LNPEP: variants seen among roughly 807,000 people sequenced by gnomAD.
The protein encoded by LNPEP is leucyl-cystinyl aminopeptidase.
A neutral mutation model predicts 120.6 loss-of-function variants in LNPEP; 64 were observed. That is an observed-to-expected ratio of 0.53 (90% CI 0.43 to 0.65). LNPEP has a LOEUF of 0.65. Among genes scored for constraint, LNPEP ranks in the 30% least tolerant of loss-of-function variants. The probability of loss-of-function intolerance (pLI) is 0.00; values close to 1 mark genes in which losing one functional copy is unlikely to be tolerated. For synonymous variants in LNPEP, 435 were observed against 425.4 expected (o/e 1.02, Z -0.28); for missense variants, 1,057 against 1,200.0 (o/e 0.88, Z 1.76).
rs529291626 is a variant in LNPEP at position 96,936,145 on chromosome 5, G to T, written c.-11G>T. The T allele has an allele frequency of 6.6e-6, 10 of 1,506,424 alleles. No individual in the cohort carries two copies. In the South Asian group the frequency reaches 1.1e-4, roughly 17 times the overall value. 93.3% of individuals were successfully genotyped at this position (1,506,424 alleles called of 1,614,324 possible). A position where few individuals can be genotyped will look rare whatever the true frequency, so the allele number is the denominator to read the frequency against. Reference sequence around the variant, plus strand: ...GGCGCTCCGGCTGTAAGGAGCCGCGGCGGGGGGAAAATGGAGCCCTTCACC... The same window carrying T: ...GGCGCTCCGGCTGTAAGGAGCCGCGTCGGGGGGAAAATGGAGCCCTTCACC... On this transcript the variant is annotated 5_prime_UTR_variant, in exon 1 of 18. Coordinates refer to ENST00000231368, the MANE Select transcript of LNPEP (RefSeq NM_005575.3).
At chr5:96,958,945 C>T (rs1789535019) in intron 1 of LNPEP, among the ~76,000 whole-genome samples, 1 of 150,878 alleles carries the variant, frequency 6.6e-6, no homozygotes, top group Admixed American at 6.7e-5. Flanking sequence ...TCTCCTGCCT[C>T]AGCCTTCCGA....
intron 1 of LNPEP, among the ~76,000 whole-genome samples, chr5:96,954,863 A>G (rs1789425354): frequency 7.4e-6 from 1 of 135,592 alleles, no homozygotes; most frequent in Non-Finnish European, 1.5e-5. Context: ...GCTCACTGCA[A>G]GCTCCGCCTC....
chr5:96,937,736 C>T (rs1788950550), intron 1 of LNPEP: 1 of 151,868 alleles, frequency 6.6e-6, no homozygotes, highest in African/African-American at 2.4e-5. Flanking sequence ...TGAACCTTTG[C>T]CTACAGAATT....
rs1222338641 is a variant in LNPEP at position 96,954,768 on chromosome 5, ATATAT to A, written c.19+18596_19+18600del. 1.6e-3 allele frequency among the ~76,000 whole-genome samples: 56 copies of A among 36,096 alleles called. 9 individuals are homozygous for A. Among genetic ancestry groups the A allele is most frequent in the South Asian group, 3.6e-3 (5 of 1,406 alleles). 23.7% of individuals were successfully genotyped at this position (36,096 alleles called of 152,430 possible). A position where few individuals can be genotyped will look rare whatever the true frequency, so the allele number is the denominator to read the frequency against. On this transcript the variant is annotated intron_variant, in intron 1 of 17. Transcript: ENST00000231368. ...TATACACATATATATATATATATAT[ATATAT>A]TTTTTTTTTTTTTTTTTTTTTTTTT...
intron 1 of LNPEP, among the ~76,000 whole-genome samples, chr5:96,967,341 C>T (rs924696798): frequency 6.6e-6 from 1 of 151,884 alleles, no homozygotes; most frequent in African/African-American, 2.4e-5. Context: ...AGCTGGGTCT[C>T]ACTGTGTTGT....
intron 4 of LNPEP, among the ~76,000 whole-genome samples, chr5:96,989,328 A>AATATATTGTAT (rs1790324208): frequency 9.5e-5 from 2 of 21,014 alleles, no homozygotes; most frequent in African/African-American, 3.9e-4. Context: ...TATAATATAT[A>AATATATTGTAT]ATTATATATA....
At chr5:96,938,715 T>G (rs1009923512) in intron 1 of LNPEP, among the ~76,000 whole-genome samples, 1 of 152,236 alleles carries the variant, frequency 6.6e-6, no homozygotes, top group Non-Finnish European at 1.5e-5. Flanking sequence ...GCAACCCATT[T>G]AAAATGCATA....
At chr5:97,002,226 G>C (rs1368432424) in intron 8 of LNPEP, among the ~76,000 whole-genome samples, 1 of 152,168 alleles carries the variant, frequency 6.6e-6, no homozygotes, top group African/African-American at 2.4e-5. Flanking sequence ...AGCAAATGGA[G>C]ATGGCAAATT....
intron 13 of LNPEP, among the ~76,000 whole-genome samples, chr5:97,015,703 T>G (rs2112659876): frequency 6.6e-6 from 1 of 152,230 alleles, no homozygotes; most frequent in East Asian, 1.9e-4. Context: ...TTATTTGTTT[T>G]TATCTAATTC....
Position 97,028,548 on chromosome 5 carries a change from C to G in LNPEP, c.*15C>G, listed in dbSNP as rs199927034. 6.2e-7 allele frequency: 1 copy of G among 1,612,130 alleles called. No individual in the cohort carries two copies. The highest frequency in any genetic ancestry group is 1.1e-5 in the South Asian group (1 of 90,896). On this transcript the variant is annotated 3_prime_UTR_variant, in exon 18 of 18. Coordinates refer to ENST00000231368, the MANE Select transcript of LNPEP (RefSeq NM_005575.3). ...GGTGGCTGTAGCATGCACAACCGCA[C>G]CTCATTTTGTTGCCCATTCAGAGAG...
intron 2 of LNPEP, among the ~76,000 whole-genome samples, chr5:96,984,400 G>A (rs923411693): frequency 1.3e-5 from 2 of 152,090 alleles, no homozygotes; most frequent in African/African-American, 2.4e-5. Flanking sequence ...AATCTAAATG[G>A]GTCCAGGTGC....
intron 1 of LNPEP, among the ~76,000 whole-genome samples, chr5:96,940,244 A>G (rs774313274): frequency 1.6e-4 from 24 of 152,210 alleles, no homozygotes; most frequent in Non-Finnish European, 2.9e-5. Context: ...CATATTTTAG[A>G]AACTCTTATA....
At chr5:96,988,270 T>G (rs1045640617) in intron 4 of LNPEP, among the ~76,000 whole-genome samples, 4 of 152,050 alleles carry the variant, frequency 2.6e-5, no homozygotes, top group African/African-American at 9.7e-5. Flanking sequence ...CAGCAATATT[T>G]CTTTTCTTGT....
intron 1 of LNPEP, among the ~76,000 whole-genome samples, chr5:96,960,603 A>G (rs1255871208): frequency 3.3e-5 from 5 of 152,202 alleles, no homozygotes; most frequent in Non-Finnish European, 7.4e-5. Flanking sequence ...TTTTCCTTTT[A>G]TGATGACCAT....
chr5:97,031,561 A>G lies in LNPEP; in HGVS notation c.*3028A>G, dbSNP rs1265409590. The G allele has an allele frequency of 6.6e-6, 1 of 152,208 alleles. No individual in the cohort carries two copies. The highest frequency in any genetic ancestry group is 2.4e-5 in the African/African-American group (1 of 41,452). The allele number at this position is 152,208 out of a possible 1,614,324, so 9.4% of individuals were successfully genotyped here. A position where few individuals can be genotyped will look rare whatever the true frequency, so the allele number is the denominator to read the frequency against. ...TCAAGCTGCATCAGTATTATAGGAT[A>G]CCAAACAGAATCCTTTCTATTAGGA... On this transcript the variant is annotated 3_prime_UTR_variant, in exon 18 of 18. Coordinates refer to ENST00000231368, the MANE Select transcript of LNPEP (RefSeq NM_005575.3).
At chr5:96,990,750 A>G (rs1157397447) in intron 4 of LNPEP, among the ~76,000 whole-genome samples, 2 of 152,260 alleles carry the variant, frequency 1.3e-5, no homozygotes, top group African/African-American at 2.4e-5. Context: ...CAGAGCCTAT[A>G]TATTTCATTT....
chr5:96,971,769 G>A (rs1204199335), intron 1 of LNPEP, among the ~76,000 whole-genome samples: 1 of 150,610 alleles, frequency 6.6e-6, no homozygotes, highest in African/African-American at 2.4e-5. Flanking sequence ...TTTTAGTCTT[G>A]ATTTCCCCAC....
At chr5:96,938,606 C>T (rs962084603) in intron 1 of LNPEP, among the ~76,000 whole-genome samples, 1 of 152,174 alleles carries the variant, frequency 6.6e-6, no homozygotes, top group African/African-American at 2.4e-5. Context: ...AAAGTTGCCA[C>T]TGGTATGACC....
At chr5:97,009,873 A>G (rs956812475) in intron 11 of LNPEP, among the ~76,000 whole-genome samples, 19 of 152,120 alleles carry the variant, frequency 1.2e-4, no homozygotes, top group African/African-American at 4.6e-4. Context: ...AGAGAGGGTG[A>G]CTTCAGGCTT....
Sources: allele counts gnomAD v4.1 joint callset (sites outside exome capture counted in the v4.1 genomes callset), GRCh38; gene constraint gnomAD v4.1.1; transcripts MANE v1.5; gene names NCBI Gene and HGNC (gene_info 2026-07-23, HGNC 2026-07-21).